The following GULP1 variants were observed in gnomAD, a reference collection of about 807,000 sequenced individuals.
GULP1 encodes the protein GULP PTB domain containing engulfment adaptor 1, also known as PTB domain-containing engulfment adapter protein 1.
A neutral mutation model predicts 40.9 loss-of-function variants in GULP1; 19 were observed. The ratio of observed to expected loss-of-function variants is 0.46; its 90% CI spans 0.32 to 0.68. The LOEUF is 0.68. Among genes scored for constraint, GULP1 ranks in the 30% least tolerant of loss-of-function variants. The pLI, the probability that GULP1 is intolerant of heterozygous loss-of-function variation, is 0.03. For missense variants in GULP1, 312 were observed against 362.2 expected, an observed-to-expected ratio of 0.86 and a Z score of 1.12; for synonymous variants, 119 against 117.6, an observed-to-expected ratio of 1.01 and a Z score of -0.08.
At chr2:188,421,602 A>G (rs2055419737) in intron 2 of GULP1, among the ~76,000 whole-genome samples, 1 of 152,218 alleles carries the variant, frequency 6.6e-6, no homozygotes, top group South Asian at 2.1e-4. Context: ...GCTTAAAACC[A>G]CACACAAAGG....
Position 188,292,405 on chromosome 2 carries a change from G to T in GULP1, c.-172+239G>T, listed in dbSNP as rs2033961321. On this transcript the variant is annotated intron_variant, in intron 1 of 11. Transcript: ENST00000409830. The surrounding 1 kb of genome is among the most constrained non-coding windows in gnomAD (Gnocchi z 4.0). ...CTAAAGGAGGCTAAGACCTGTTGACGCCTGCTATGGCAGCGCTTGAGAAAT... is the reference window on the plus strand; with the variant it reads ...CTAAAGGAGGCTAAGACCTGTTGACTCCTGCTATGGCAGCGCTTGAGAAAT... Among the ~76,000 whole-genome samples, 1 of 152,236 alleles carries T rather than the reference G, an allele frequency of 6.6e-6. No individual in the cohort carries two copies. Among genetic ancestry groups the T allele is most frequent in the Admixed American group, 6.5e-5 (1 of 15,290 alleles).
At chr2:188,515,241 G>T (rs1275862026) in intron 4 of GULP1, among the ~76,000 whole-genome samples, 1 of 151,892 alleles carries the variant, frequency 6.6e-6, no homozygotes, top group Non-Finnish European at 1.5e-5. Flanking sequence ...TGTCTCACTT[G>T]CATGATTCCC....
intron 1 of GULP1, among the ~76,000 whole-genome samples, chr2:188,377,875 G>A (rs2048490426): frequency 6.6e-6 from 1 of 152,094 alleles, no homozygotes; most frequent in African/African-American, 2.4e-5. Context: ...TATATGAACA[G>A]TATAGGAAGA....
intron 2 of GULP1, among the ~76,000 whole-genome samples, chr2:188,388,834 A>G (rs773379790): frequency 1.3e-5 from 2 of 152,224 alleles, no homozygotes; most frequent in Non-Finnish European, 2.9e-5. Flanking sequence ...CAAGAGAATC[A>G]TGTTTAAGTA....
chr2:188,454,605 C>T (rs755816620), intron 2 of GULP1, among the ~76,000 whole-genome samples: 2 of 152,154 alleles, frequency 1.3e-5, no homozygotes, highest in Non-Finnish European at 2.9e-5. Context: ...TGCCTCCTGC[C>T]TCTGTCAGTA....
intron 7 of GULP1, among the ~76,000 whole-genome samples, chr2:188,553,988 A>G (rs1430225984): frequency 6.6e-6 from 1 of 151,880 alleles, no homozygotes; most frequent in Non-Finnish European, 1.5e-5. Flanking sequence ...TATTTCTGTG[A>G]TCAGTTGTTA....
chr2:188,427,613 G>GCCTTGGTGGTTTCTA (rs2056373107), intron 2 of GULP1, among the ~76,000 whole-genome samples: 1 of 152,234 alleles, frequency 6.6e-6, no homozygotes, highest in South Asian at 2.1e-4. Flanking sequence ...CAAGCCATAA[G>GCCTTGGTGGTTTCTA]CCTTGGTGGT....
chr2:188,339,480 CT>C, intron 1 of GULP1, among the ~76,000 whole-genome samples: 1 of 152,224 alleles, frequency 6.6e-6, no homozygotes, highest in Middle Eastern at 3.4e-3. Context: ...TGGTTTCCCC[CT>C]TTTGTTTTAA....
At chr2:188,396,923 C>T (rs2051359621) in intron 2 of GULP1, among the ~76,000 whole-genome samples, 1 of 152,132 alleles carries the variant, frequency 6.6e-6, no homozygotes, top group Admixed American at 6.5e-5. Context: ...CCCACGGCTC[C>T]CTAAATTAGT....
chr2:188,443,238 A>G (rs2058090651), intron 2 of GULP1, among the ~76,000 whole-genome samples: 1 of 152,120 alleles, frequency 6.6e-6, no homozygotes, highest in African/African-American at 2.4e-5. Flanking sequence ...TTAACTTGCT[A>G]GAACAGTGGT....
intron 2 of GULP1, among the ~76,000 whole-genome samples, chr2:188,419,514 T>C (rs1279879128): frequency 6.6e-6 from 1 of 152,050 alleles, no homozygotes; most frequent in Non-Finnish European, 1.5e-5. Flanking sequence ...GGAAAAAATG[T>C]CTATTCAGAT....
intron 2 of GULP1, among the ~76,000 whole-genome samples, chr2:188,473,710 T>C (rs561647314): frequency 3.9e-5 from 6 of 152,090 alleles, no homozygotes; most frequent in Non-Finnish European, 8.8e-5. Context: ...TCCAGAAATG[T>C]TGTGCAAGAG....
intron 1 of GULP1, among the ~76,000 whole-genome samples, chr2:188,304,968 A>G (rs955965228): frequency 6.6e-6 from 1 of 152,142 alleles, no homozygotes; most frequent in Non-Finnish European, 1.5e-5. Context: ...TTCTGACATT[A>G]TCTCTCTGGA....
At chr2:188,509,274 T>G (rs55850228) in intron 4 of GULP1, among the ~76,000 whole-genome samples, 58 of 152,170 alleles carry the variant, frequency 3.8e-4, no homozygotes, top group African/African-American at 1.4e-3. Context: ...TGTTTTTTGT[T>G]ATTGTTGTAT....
intron 2 of GULP1, among the ~76,000 whole-genome samples, chr2:188,418,355 G>A (rs1176543429): frequency 6.6e-6 from 1 of 152,050 alleles, no homozygotes; most frequent in African/African-American, 2.4e-5. Flanking sequence ...TTTTAGGCCT[G>A]GCACAGTGGC....
chr2:188,559,171 T>C (rs1695592987), intron 7 of GULP1, among the ~76,000 whole-genome samples: 1 of 151,782 alleles, frequency 6.6e-6, no homozygotes, highest in Non-Finnish European at 1.5e-5. Context: ...TAGGAGAAAA[T>C]GGTTTTCTGG....
chr2:188,404,755 C>T (rs1278452788), intron 2 of GULP1, among the ~76,000 whole-genome samples: 2 of 152,142 alleles, frequency 1.3e-5, no homozygotes, highest in South Asian at 2.1e-4. Context: ...TAGACCAGGC[C>T]AGCCCCCGAG....
At chr2:188,364,941 T>TAC (rs1230540876) in intron 1 of GULP1, among the ~76,000 whole-genome samples, 122 of 138,066 alleles carry the variant, frequency 8.8e-4, no homozygotes, top group Admixed American at 4.3e-3. Flanking sequence ...TATATATATA[T>TAC]ACACACACAC....
intron 7 of GULP1, among the ~76,000 whole-genome samples, chr2:188,556,703 T>C (rs1694845769): frequency 6.6e-6 from 1 of 152,268 alleles, no homozygotes; most frequent in African/African-American, 2.4e-5. Context: ...TGAATTTACT[T>C]TTTGTGGGGA....
Sources: allele counts gnomAD v4.1 joint callset (sites outside exome capture counted in the v4.1 genomes callset), GRCh38; gene constraint gnomAD v4.1.1; non-coding constraint Gnocchi (gnomAD v3.1); transcripts MANE v1.5; gene names NCBI Gene and HGNC (gene_info 2026-07-23, HGNC 2026-07-21).